Variants in TRAPPC3 observed in about 807,000 individuals in gnomAD.
The protein encoded by TRAPPC3 is trafficking protein particle complex 3.
Under a neutral mutation model 18.2 loss-of-function variants are expected in TRAPPC3, and 5 were observed. The observed-to-expected ratio is 0.28, with a 90% CI of 0.14 to 0.58. TRAPPC3 has a LOEUF of 0.58. Ranked by LOEUF, TRAPPC3 falls within the 20% of genes least tolerant of loss-of-function variation. The probability of loss-of-function intolerance (pLI) is 0.91; values close to 1 mark genes in which losing one functional copy is unlikely to be tolerated. For missense variants in TRAPPC3, 176 were observed against 225.9 expected, an observed-to-expected ratio of 0.78 and a Z score of 1.41; for synonymous variants, 65 against 84.2, an observed-to-expected ratio of 0.77 and a Z score of 1.25.
intron 1 of TRAPPC3, among the ~76,000 whole-genome samples, chr1:36,147,137 G>A (rs1404856111): frequency 6.6e-6 from 1 of 152,026 alleles, no homozygotes; most frequent in Non-Finnish European, 1.5e-5. Flanking sequence ...GATCACTTGA[G>A]GTCAGGAGTT....
chr1:36,153,113 C>G (rs548385412), upstream of TRAPPC3, among the ~76,000 whole-genome samples: 1 of 152,320 alleles, frequency 6.6e-6, no homozygotes, highest in East Asian at 1.9e-4. Context: ...CCCTGTCGCT[C>G]GCCAAAGACT....
chr1:36,141,565 G>A (rs1379721171), intron 1 of TRAPPC3, among the ~76,000 whole-genome samples: 1 of 152,148 alleles, frequency 6.6e-6, no homozygotes, highest in Non-Finnish European at 1.5e-5. Flanking sequence ...CGTTCTACTT[G>A]TATCTCATTA....
At chr1:36,155,438 T>C (rs1644309589) in intron 1 of TRAPPC3, 1 of 152,348 alleles carries the variant, frequency 6.6e-6, no homozygotes, top group East Asian at 1.9e-4. Flanking sequence ...TCTGGGGTGA[T>C]TGGCGGGGTC....
chr1:36,139,405 C>T (rs1321606580), intron 3 of TRAPPC3: 1 of 228,810 alleles, frequency 4.4e-6, no homozygotes, highest in Non-Finnish European at 8.7e-6. Flanking sequence ...TTCCACCCGC[C>T]TGGGCCTCCC....
intron 1 of TRAPPC3, chr1:36,140,770 A>T (rs140313972): frequency 1.3e-5 from 2 of 152,386 alleles, no homozygotes; most frequent in African/African-American, 4.8e-5. Flanking sequence ...CTTAACTCAC[A>T]GCCAAAATAT....
chr1:36,137,997 C>T lies in TRAPPC3; in HGVS notation c.241-19G>A, dbSNP rs150471078. ...ACGCCACCTGTCAGGGGACACACAACAGCACTTTGGGGAAGAGCAGCAGGA... is the reference window on the plus strand; with the variant it reads ...ACGCCACCTGTCAGGGGACACACAATAGCACTTTGGGGAAGAGCAGCAGGA... On this transcript the variant is annotated intron_variant, in intron 3 of 4. Coordinates refer to ENST00000373166, the MANE Select transcript of TRAPPC3 (RefSeq NM_014408.5). The T allele has an allele frequency of 8.4e-5, 135 of 1,612,378 alleles. No homozygotes were observed. In the African/African-American group the frequency reaches 1.6e-3, roughly 19 times the overall value.
At chr1:36,139,494 C>T (rs905426260) in intron 3 of TRAPPC3, 2 of 568,738 alleles carry the variant, frequency 3.5e-6, no homozygotes, top group Non-Finnish European at 6.1e-6. Flanking sequence ...TCTGCTACAC[C>T]TTCACAGTGG....
At chr1:36,155,934 A>C (rs1188562100) in exon 1 of TRAPPC3, 1 of 153,374 alleles carries the variant, frequency 6.5e-6, no homozygotes, top group Non-Finnish European at 1.5e-5. Context: ...AGGGGGAGGC[A>C]GCTAGCGCGG....
intron 1 of TRAPPC3, among the ~76,000 whole-genome samples, chr1:36,155,183 G>A (rs1217621632): frequency 6.6e-6 from 1 of 152,184 alleles, no homozygotes; most frequent in Non-Finnish European, 1.5e-5. Flanking sequence ...GGGCACAGCT[G>A]CCCCTCCTCC....
At position 36,142,369 on chromosome 1, in the gene TRAPPC3, G is replaced by T. The variant is rs72906755; in HGVS notation, c.43-2203C>A. Among the ~76,000 whole-genome samples, 479 of 152,302 alleles carry T rather than the reference G, an allele frequency of 3.1e-3. 6 individuals are homozygous for T. The highest frequency in any genetic ancestry group is 0.011 in the African/African-American group (467 of 41,560). ...GATGGAAACAATCCAGCAGTTACCAGTCCAGAGAATTGGCACCACTGCATT... is the reference window on the plus strand; with the variant it reads ...GATGGAAACAATCCAGCAGTTACCATTCCAGAGAATTGGCACCACTGCATT... On this transcript the variant is annotated intron_variant, in intron 1 of 4. Transcript: ENST00000373166.
intron 4 of TRAPPC3, 88 bp downstream of exon 4, chr1:36,137,708 C>G: frequency 3.6e-6 from 5 of 1,399,246 alleles, no homozygotes; most frequent in Non-Finnish European, 4.9e-6. Flanking sequence ...GAGCCAAAGC[C>G]CTTTCTTTTC....
Position 36,149,395 on chromosome 1 carries a change from C to A in TRAPPC3, c.-17G>T. On this transcript the variant is annotated 5_prime_UTR_variant, in exon 1 of 5. Transcript: ENST00000373166. ...CCTCGACATGGTGCCGGCCGCCCCGCCCCACTCGCCTAGCCACGGGTTAGC... is the reference window on the plus strand; with the variant it reads ...CCTCGACATGGTGCCGGCCGCCCCGACCCACTCGCCTAGCCACGGGTTAGC... 6.2e-7 allele frequency: 1 copy of A among 1,612,480 alleles called. No homozygotes were observed. Among genetic ancestry groups the A allele is most frequent in the South Asian group, 1.1e-5 (1 of 91,008 alleles).
chr1:36,153,237 C>T (rs1300669574), upstream of TRAPPC3, among the ~76,000 whole-genome samples: 1 of 152,190 alleles, frequency 6.6e-6, no homozygotes, highest in African/African-American at 2.4e-5. Flanking sequence ...TACCTAGCCC[C>T]AAACTCAGAG....
intron 2 of TRAPPC3, 94 bp downstream of exon 2, chr1:36,139,975 G>A (rs1644083443): frequency 1.4e-6 from 2 of 1,460,692 alleles, no homozygotes; most frequent in Admixed American, 2.3e-5. Context: ...GGCTAAGAAA[G>A]AGAGAGAACC....
chr1:36,145,423 G>A (rs1391852865), intron 1 of TRAPPC3, among the ~76,000 whole-genome samples: 1 of 152,104 alleles, frequency 6.6e-6, no homozygotes, highest in Non-Finnish European at 1.5e-5. Flanking sequence ...GCTGGAGGAG[G>A]ATCAATAGCA....
chr1:36,154,349 C>T (rs1644294626), upstream of TRAPPC3, among the ~76,000 whole-genome samples: 1 of 152,164 alleles, frequency 6.6e-6, no homozygotes, highest in Non-Finnish European at 1.5e-5. Flanking sequence ...GACTCCCATC[C>T]ATCCATCCAT....
At chr1:36,139,447 C>T in intron 3 of TRAPPC3, 3 of 363,426 alleles carry the variant, frequency 8.3e-6, no homozygotes, top group Non-Finnish European at 1.5e-5. Flanking sequence ...TGAGCCACCA[C>T]GCCCGACCGA....
At chr1:36,153,511 C>T (rs1374451624), upstream of TRAPPC3, among the ~76,000 whole-genome samples, 1 of 152,170 alleles carries the variant, frequency 6.6e-6, no homozygotes, top group Non-Finnish European at 1.5e-5. Context: ...GTCTCCAGCA[C>T]CAACATCTTG....
Position 36,137,946 on chromosome 1 carries a change from T to G in TRAPPC3, c.273A>C (p.Pro91=). 1 of 1,614,122 alleles carries G rather than the reference T, an allele frequency of 6.2e-7. No individual in the cohort carries two copies. The highest frequency in any genetic ancestry group is 8.5e-7 in the Non-Finnish European group (1 of 1,180,006). ...CAGCTGGGCTCCAATTAGTAATGCT[T>G]GGAGTGATGCCCAAGTACATCTTGA... is the stretch of plus-strand genomic sequence containing the variant. ...VAFKMYLGIT[P]SITNWSPAGD... is the part of the protein sequence containing the mutation. Residue 91 remains proline, a synonymous_variant, in exon 4 of 5, where the codon CCA becomes CCC. Transcript: ENST00000373166.
Sources: allele counts gnomAD v4.1 joint callset (sites outside exome capture counted in the v4.1 genomes callset), GRCh38; gene constraint gnomAD v4.1.1; transcripts MANE v1.5; gene names NCBI Gene and HGNC (gene_info 2026-07-23, HGNC 2026-07-21).